The following VEPH1 variants were observed in gnomAD, a reference collection of about 807,000 sequenced individuals.
The protein encoded by VEPH1 is ventricular zone expressed PH domain containing 1, also known as ventricular zone-expressed PH domain-containing protein homolog 1.
VEPH1 carries 80 observed loss-of-function variants against 85.2 expected under a neutral mutation model. The observed-to-expected ratio is 0.94, with a 90% CI of 0.78 to 1.13. The LOEUF (loss-of-function observed/expected upper bound fraction) is 1.13. VEPH1 is among the 50% of genes most tolerant of loss of function. The probability of loss-of-function intolerance (pLI) is 0.00; values close to 1 mark genes in which losing one functional copy is unlikely to be tolerated. For synonymous variants in VEPH1, 297 were observed against 348.0 expected, an observed-to-expected ratio of 0.85 and a Z score of 1.63; for missense variants, 955 against 980.5, an observed-to-expected ratio of 0.97 and a Z score of 0.35.
chr3:157,406,076 A>G (rs1357248832), intron 6 of VEPH1, among the ~76,000 whole-genome samples: 3 of 152,166 alleles, frequency 2.0e-5, no homozygotes, highest in Non-Finnish European at 4.4e-5. Flanking sequence ...GTTAACATGT[A>G]CCCTTTTTAA....
In VEPH1 at chr3:157,363,437, GT is replaced by G. The variant is rs756863093; in HGVS notation, c.1661del (p.Asn554ThrfsTer5). The G allele has an allele frequency of 2.4e-5, 39 of 1,606,148 alleles. No individual in the cohort carries two copies. Among genetic ancestry groups the G allele is most frequent in the Admixed American group, 1.0e-4 (6 of 59,504 alleles). ...TGGCATATGCTTTCACTTTGCTGAGGTTTTTTTTTAAGTGCAAGTAGAGCTT... is the reference window on the plus strand; with the variant it reads ...TGGCATATGCTTTCACTTTGCTGAGGTTTTTTTTAAGTGCAAGTAGAGCTT... Reference protein sequence around the residue: ...QDKLYLHLKKNLSKVKAYAME... With the variant: ...QDKLYLHLKKXLSKVKAYAME... On this transcript the variant is annotated frameshift_variant, in exon 9 of 14. Coordinates refer to ENST00000362010, the MANE Select transcript of VEPH1 (RefSeq NM_001167912.2). LOFTEE classifies it high-confidence loss of function.
intron 5 of VEPH1, among the ~76,000 whole-genome samples, chr3:157,423,190 A>G (rs1732483307): frequency 6.6e-6 from 1 of 152,246 alleles, no homozygotes; most frequent in Non-Finnish European, 1.5e-5. Context: ...TATGTAGATA[A>G]GAGTCCTATG....
intron 12 of VEPH1, among the ~76,000 whole-genome samples, chr3:157,281,110 G>C (rs1716050837): frequency 1.3e-5 from 2 of 148,460 alleles, no homozygotes; most frequent in Non-Finnish European, 1.5e-5. Flanking sequence ...GTGAGAGAGA[G>C]AGAGAGAGAC....
At chr3:157,281,116 GAGAC>G (rs1251764856) in intron 12 of VEPH1, among the ~76,000 whole-genome samples, 3 of 146,446 alleles carry the variant, frequency 2.0e-5, no homozygotes, top group African/African-American at 5.0e-5. Context: ...GAGAGAGAGA[GAGAC>G]AGAGAAAGAC....
chr3:157,502,415 A>G (rs900646766), intron 1 of VEPH1, among the ~76,000 whole-genome samples: 3 of 152,168 alleles, frequency 2.0e-5, no homozygotes, highest in Admixed American at 2.0e-4. Flanking sequence ...GACTTGTCAT[A>G]ATTTTATAGT....
Position 157,451,440 on chromosome 3 carries a change from C to CA in VEPH1, c.529+8740dup, listed in dbSNP as rs1734958607. On this transcript the variant is annotated intron_variant, in intron 4 of 13. Coordinates refer to ENST00000362010, the MANE Select transcript of VEPH1 (RefSeq NM_001167912.2). ...ACAAAACAGACAAAATAACTCTAAA[C>CA]AACTTGAATAAAATAAATGTGTACT... Among the ~76,000 whole-genome samples the CA allele has an allele frequency of 2.6e-5, 4 of 152,086 alleles. No individual in the cohort carries two copies. The South Asian group carries it at 8.3e-4, about 32-fold the overall frequency.
In VEPH1 at chr3:157,495,368, C is replaced by G. The variant is rs763436459; in HGVS notation, c.-19G>C. 3.1e-6 allele frequency: 5 copies of G among 1,612,516 alleles called. No individual in the cohort carries two copies. The highest frequency in any genetic ancestry group is 1.7e-5 in the Admixed American group (1 of 59,840). On this transcript the variant is annotated 5_prime_UTR_variant, in exon 2 of 14. Coordinates refer to ENST00000362010, the MANE Select transcript of VEPH1 (RefSeq NM_001167912.2). The stretch of plus-strand genomic sequence containing the variant: ...GATGCATGGTGAGGATGAGTTTGAT[C>G]AGTTGACTTTCTACAGACCCAGAGT...
chr3:157,269,239 G>A (rs534165845), intron 12 of VEPH1, among the ~76,000 whole-genome samples: 2 of 152,216 alleles, frequency 1.3e-5, no homozygotes, highest in South Asian at 4.2e-4. Flanking sequence ...ATGAACACTG[G>A]GCAAAATTGT....
intron 6 of VEPH1, among the ~76,000 whole-genome samples, chr3:157,390,469 G>A (rs1402270683): frequency 6.6e-6 from 1 of 152,170 alleles, no homozygotes; most frequent in East Asian, 1.9e-4. Flanking sequence ...TATTTTTGGA[G>A]TTGGTTATGA....
intron 9 of VEPH1, among the ~76,000 whole-genome samples, chr3:157,337,640 TTA>T (rs1723092075): frequency 2.0e-5 from 3 of 152,192 alleles, no homozygotes; most frequent in Admixed American, 2.0e-4. Context: ...ACAGGGAACA[TTA>T]TACTTTTATA....
In VEPH1 at chr3:157,381,227, C is replaced by T. The variant is rs1439513830; in HGVS notation, c.1056G>A (p.Met352Ile). 1 of 1,614,036 alleles carries T rather than the reference C, an allele frequency of 6.2e-7. No homozygotes were observed. Among genetic ancestry groups the T allele is most frequent in the Admixed American group, 1.7e-5 (1 of 60,018 alleles). The change falls in exon 7 of 14, where the codon ATG becomes ATA. Residue 352 changes from methionine (M) to isoleucine (I), a missense_variant. Coordinates refer to ENST00000362010, the MANE Select transcript of VEPH1 (RefSeq NM_001167912.2). ...LGPQSRDIFR[M>I]SNSFTAIAKL... ...TAGCAATGGCGGTGAAGCTGTTGCT[C>T]ATGCGGAAGATGTCTCTGCTCTGAG...
At chr3:157,459,870 T>G in intron 4 of VEPH1, 2 of 1,537,150 alleles carry the variant, frequency 1.3e-6, no homozygotes, top group South Asian at 2.4e-5. Flanking sequence ...AGAGATAAGA[T>G]CTCCACAGTT....
intron 7 of VEPH1, among the ~76,000 whole-genome samples, chr3:157,367,584 G>T (rs1726854471): frequency 6.6e-6 from 1 of 152,144 alleles, no homozygotes; most frequent in African/African-American, 2.4e-5. Flanking sequence ...TTCTATAGCT[G>T]GGGTCATTAA....
At chr3:157,465,581 T>TA (rs1560084596) in intron 3 of VEPH1, among the ~76,000 whole-genome samples, 1 of 152,214 alleles carries the variant, frequency 6.6e-6, no homozygotes, top group East Asian at 1.9e-4. Flanking sequence ...GCCTACTGAA[T>TA]AAACTGCTAG....
chr3:157,433,470 A>T (rs1733319139), intron 4 of VEPH1, among the ~76,000 whole-genome samples: 3 of 152,206 alleles, frequency 2.0e-5, no homozygotes, highest in Non-Finnish European at 2.9e-5. Context: ...TATTGATATG[A>T]TGATTCTTCT....
intron 12 of VEPH1, among the ~76,000 whole-genome samples, chr3:157,273,634 G>A (rs1463497703): frequency 6.6e-6 from 1 of 152,224 alleles, no homozygotes; most frequent in Non-Finnish European, 1.5e-5. Flanking sequence ...GGAGGGAGCA[G>A]GGTGGGAGAG....
chr3:157,355,411 C>A (rs1463649152), intron 9 of VEPH1, among the ~76,000 whole-genome samples: 4 of 152,196 alleles, frequency 2.6e-5, no homozygotes, highest in Non-Finnish European at 4.4e-5. Context: ...AGAGAATGAA[C>A]CTTTCAGGCA....
intron 4 of VEPH1, among the ~76,000 whole-genome samples, chr3:157,431,685 C>T (rs1733172015): frequency 6.6e-6 from 1 of 152,040 alleles, no homozygotes. Flanking sequence ...TCTACTCCCA[C>T]CAGCAGCATG....
intron 11 of VEPH1, among the ~76,000 whole-genome samples, chr3:157,291,729 A>G (rs1717495184): frequency 6.6e-6 from 1 of 152,240 alleles, no homozygotes; most frequent in Non-Finnish European, 1.5e-5. Flanking sequence ...ACTGACTTCC[A>G]TATTGTTTTG....
Sources: allele counts gnomAD v4.1 joint callset (sites outside exome capture counted in the v4.1 genomes callset), GRCh38; gene constraint gnomAD v4.1.1; transcripts MANE v1.5; gene names NCBI Gene and HGNC (gene_info 2026-07-23, HGNC 2026-07-21).